The following LHX8 variants were observed in gnomAD, a reference collection of about 807,000 sequenced individuals.
LHX8 encodes LIM/homeobox protein Lhx8.
LHX8 carries 12 observed loss-of-function variants against 40.3 expected under a neutral mutation model. The observed-to-expected ratio is 0.30, with a 90% CI of 0.19 to 0.48. The LOEUF (loss-of-function observed/expected upper bound fraction) is 0.48. Ranked by LOEUF, LHX8 falls within the 20% of genes least tolerant of loss-of-function variation. The pLI, the probability that LHX8 is intolerant of heterozygous loss-of-function variation, is 0.99. For synonymous variants in LHX8, 179 were observed against 162.0 expected, an observed-to-expected ratio of 1.10 and a Z score of -0.80; for missense variants, 344 against 433.7, an observed-to-expected ratio of 0.79 and a Z score of 1.84.
chr1:75,137,949 G>C (rs7535534), intron 3 of LHX8, among the ~76,000 whole-genome samples: 1 of 152,102 alleles, frequency 6.6e-6, no homozygotes, highest in South Asian at 2.1e-4. Context: ...CAATGCTGTT[G>C]TTACATCATC....
chr1:75,143,378 G>C (rs766738323), intron 5 of LHX8, 40 bp downstream of exon 5: 2 of 1,426,314 alleles, frequency 1.4e-6, no homozygotes, highest in Non-Finnish European at 1.9e-6. Context: ...TTTTGAGACA[G>C]TGAATACAGG....
At chr1:75,168,208 C>G in the LHX8 span, among the ~76,000 whole-genome samples, 1 of 152,142 alleles carries the variant, frequency 6.6e-6, no homozygotes, top group African/African-American at 2.4e-5. Context: ...GGATAGGTAT[C>G]TAGTCATAGT....
At chr1:75,144,402 A>G (rs1046648179) in intron 6 of LHX8, among the ~76,000 whole-genome samples, 1 of 152,180 alleles carries the variant, frequency 6.6e-6, no homozygotes, top group Non-Finnish European at 1.5e-5. Context: ...ACACAATTGT[A>G]CAGTTTTTGA....
upstream of LHX8, chr1:75,129,888 G>C (rs922933825): frequency 6.8e-6 from 1 of 147,830 alleles, no homozygotes; most frequent in African/African-American, 2.4e-5. Context: ...AAAGGGAGGC[G>C]GGTAGAGAGT....
the LHX8 span, among the ~76,000 whole-genome samples, chr1:75,195,665 C>T: frequency 3.3e-5 from 5 of 152,040 alleles, no homozygotes; most frequent in African/African-American, 9.7e-5. Flanking sequence ...TCCCCAGCTT[C>T]GGTCACTCAT....
chr1:75,136,224 C>G (rs1332106027), intron 1 of LHX8, among the ~76,000 whole-genome samples: 2 of 151,956 alleles, frequency 1.3e-5, no homozygotes, highest in Admixed American at 6.6e-5. Flanking sequence ...CCCCGCACCC[C>G]CTTTAGCCCG....
the LHX8 span, among the ~76,000 whole-genome samples, chr1:75,178,914 C>T: frequency 6.6e-6 from 1 of 152,042 alleles, no homozygotes; most frequent in East Asian, 1.9e-4. Flanking sequence ...TTATTTCTGC[C>T]TTCATTTCGT....
At chr1:75,186,163 A>C in the LHX8 span, among the ~76,000 whole-genome samples, 1 of 152,206 alleles carries the variant, frequency 6.6e-6, no homozygotes, top group Admixed American at 6.5e-5. Flanking sequence ...ACTACCAATG[A>C]CATTCTTCAT....
At chr1:75,192,748 A>G in the LHX8 span, among the ~76,000 whole-genome samples, 1 of 152,044 alleles carries the variant, frequency 6.6e-6, no homozygotes, top group Admixed American at 6.6e-5. Context: ...GCTGGAGTGC[A>G]GTGGTGTGAT....
the LHX8 span, among the ~76,000 whole-genome samples, chr1:75,174,825 TA>T: frequency 6.6e-6 from 1 of 152,184 alleles, no homozygotes; most frequent in Admixed American, 6.5e-5. Flanking sequence ...TTTTATTTCT[TA>T]AATTTTTATT....
intron 1 of LHX8, 74 bp downstream of exon 1, chr1:75,135,028 G>A: frequency 7.1e-6 from 5 of 701,154 alleles, no homozygotes; most frequent in Non-Finnish European, 8.8e-6. Flanking sequence ...GGACTGGGCG[G>A]CTGTCGGGTG....
chr1:75,130,686 G>A (rs1570279547), upstream of LHX8: 2 of 1,611,538 alleles, frequency 1.2e-6, no homozygotes, highest in East Asian at 4.5e-5. Context: ...AGGTGAGCCC[G>A]TATACAGCTC....
At chr1:75,182,145 G>C in the LHX8 span, among the ~76,000 whole-genome samples, 1 of 152,076 alleles carries the variant, frequency 6.6e-6, no homozygotes, top group Non-Finnish European at 1.5e-5. Context: ...TTAGATTTAA[G>C]TCTTTGGTCC....
the LHX8 span, among the ~76,000 whole-genome samples, chr1:75,178,933 C>T: frequency 1.3e-5 from 2 of 152,100 alleles, no homozygotes; most frequent in African/African-American, 2.4e-5. Flanking sequence ...GTTATTTACC[C>T]AGTAGTCATT....
chr1:75,163,241 T>C (rs868842665), downstream of LHX8, among the ~76,000 whole-genome samples: 22 of 152,162 alleles, frequency 1.4e-4, no homozygotes, highest in African/African-American at 5.3e-4. Context: ...TTAGATAGAA[T>C]CACAGCTCAT....
intron 1 of LHX8, among the ~76,000 whole-genome samples, chr1:75,135,373 G>C (rs1313068005): frequency 6.6e-6 from 1 of 152,248 alleles, no homozygotes; most frequent in African/African-American, 2.4e-5. Flanking sequence ...CTCCGAAGCC[G>C]GTTGGGGACA....
the LHX8 span, among the ~76,000 whole-genome samples, chr1:75,186,524 C>T: frequency 1.3e-5 from 2 of 152,160 alleles, no homozygotes; most frequent in South Asian, 4.1e-4. Flanking sequence ...CCTTTATGCC[C>T]TGTATCCATG....
At chr1:75,186,564 A>G in the LHX8 span, among the ~76,000 whole-genome samples, 1 of 152,164 alleles carries the variant, frequency 6.6e-6, no homozygotes, top group East Asian at 1.9e-4. Context: ...GTCTGTTTTA[A>G]TCTCTTACTT....
chr1:75,130,737 GTT>G, upstream of LHX8: 2 of 1,614,084 alleles, frequency 1.2e-6, no homozygotes. Flanking sequence ...AGCAGGGTAA[GTT>G]TGTGGAAAGA....
Sources: gnomAD v4.1 joint callset for allele counts (sites outside exome capture counted in the v4.1 genomes callset) on GRCh38, gnomAD v4.1.1 for gene constraint, MANE v1.5 for transcripts, NCBI Gene and HGNC (gene_info 2026-07-23, HGNC 2026-07-21) for gene names.